Variants in XDH observed in about 807,000 individuals in gnomAD.
XDH encodes xanthine dehydrogenase, also known as xanthine dehydrogenase/oxidase.
In XDH, 138 loss-of-function variants were observed where a neutral mutation model predicts 156.1. The observed-to-expected ratio is 0.88, with a 90% confidence interval of 0.77 to 1.02. The LOEUF (loss-of-function observed/expected upper bound fraction) is 1.02, where lower values mean the gene tolerates loss of function less well. Among genes scored for constraint, XDH ranks in the 50% least tolerant of loss-of-function variants. The pLI is 0.00. For synonymous variants in XDH, 669 were observed against 625.7 expected (o/e 1.07, Z -1.03); for missense variants, 1,849 against 1,684.9 (o/e 1.10, Z -1.71).
At chr2:31,413,827 T>C (rs893643226) in intron 1 of XDH, among the ~76,000 whole-genome samples, 22 of 152,226 alleles carry the variant, frequency 1.4e-4, no homozygotes, top group African/African-American at 5.1e-4. Context: ...CTCAGCAGTG[T>C]TGTAGGAGGG....
rs752197404 is a variant in XDH at position 31,375,366 on chromosome 2, C to T, written c.1602+14G>A. ...ATGCTACAGAGAGCCTGTGCCTGGCCAGGCCCCACTCACGTCTTCCAGGTT... is the reference window on the plus strand; with the variant it reads ...ATGCTACAGAGAGCCTGTGCCTGGCTAGGCCCCACTCACGTCTTCCAGGTT... On this transcript the variant is annotated intron_variant, in intron 15 of 35. Transcript: ENST00000379416. The T allele has an allele frequency of 6.2e-7, 1 of 1,614,148 alleles. No homozygotes were observed. Among genetic ancestry groups the T allele is most frequent in the Non-Finnish European group, 8.5e-7 (1 of 1,180,024 alleles).
intron 13 of XDH, among the ~76,000 whole-genome samples, chr2:31,378,134 G>A (rs923424647): frequency 1.2e-5 from 1 of 81,244 alleles, no homozygotes; most frequent in African/African-American, 4.4e-5. Context: ...AAGGAAGGAA[G>A]GAAGGAAGGA....
At chr2:31,378,071 AAAG>A (rs1686300849) in intron 13 of XDH, among the ~76,000 whole-genome samples, 1 of 25,132 alleles carries the variant, frequency 4.0e-5, no homozygotes, top group East Asian at 1.1e-3. Context: ...AGAAAGAAAG[AAAG>A]AAAGAAAGAA....
intron 5 of XDH, among the ~76,000 whole-genome samples, chr2:31,398,230 G>A (rs545338466): frequency 6.6e-6 from 1 of 152,268 alleles, no homozygotes; most frequent in Non-Finnish European, 1.5e-5. Flanking sequence ...AACTGAGAGG[G>A]AAGGAAATCA....
At chr2:31,373,745 G>T in intron 16 of XDH, 128 bp downstream of exon 16, 2 of 862,310 alleles carry the variant, frequency 2.3e-6, no homozygotes, top group Non-Finnish European at 1.9e-6. Flanking sequence ...GGGTATTTAC[G>T]CACAAGAGTA....
At chr2:31,376,436 G>C (rs542919607) in intron 14 of XDH, among the ~76,000 whole-genome samples, 2 of 149,056 alleles carry the variant, frequency 1.3e-5, no homozygotes, top group African/African-American at 4.9e-5. Flanking sequence ...AATAGTAATA[G>C]TAGTAGTAGT....
intron 2 of XDH, among the ~76,000 whole-genome samples, chr2:31,405,451 G>A (rs1447277813): frequency 6.6e-6 from 1 of 152,076 alleles, no homozygotes; most frequent in African/African-American, 2.4e-5. Context: ...AATGCTACCT[G>A]TATAGGATTC....
chr2:31,385,403 G>A (rs796961514), intron 9 of XDH, among the ~76,000 whole-genome samples: 4 of 152,246 alleles, frequency 2.6e-5, no homozygotes, highest in Admixed American at 6.5e-5. Flanking sequence ...CGAGGGAGGC[G>A]TCCATTCTGA....
chr2:31,344,016 A>G (rs1231685489), intron 31 of XDH, among the ~76,000 whole-genome samples: 3 of 152,128 alleles, frequency 2.0e-5, no homozygotes, highest in Non-Finnish European at 2.9e-5. Context: ...GGTCCTAGCT[A>G]AACTTCCCAG....
chr2:31,344,602 G>A, intron 31 of XDH, 82 bp downstream of exon 31: 1 of 1,516,136 alleles, frequency 6.6e-7, no homozygotes, highest in Non-Finnish European at 9.2e-7. Flanking sequence ...ACCACAGCCT[G>A]GCAGGATTCG....
chr2:31,376,263 A>G (rs1258395970), intron 14 of XDH, among the ~76,000 whole-genome samples: 1 of 150,818 alleles, frequency 6.6e-6, no homozygotes, highest in Non-Finnish European at 1.5e-5. Flanking sequence ...TAGTAGAAGT[A>G]GTAATAGTCA....
chr2:31,394,399 C>T (rs2148000426), intron 6 of XDH, among the ~76,000 whole-genome samples: 1 of 152,190 alleles, frequency 6.6e-6, no homozygotes, highest in East Asian at 1.9e-4. Context: ...TTTATATTTG[C>T]TCTTCTATAG....
At chr2:31,361,909 G>A (rs1685790199) in intron 24 of XDH, among the ~76,000 whole-genome samples, 1 of 152,100 alleles carries the variant, frequency 6.6e-6, no homozygotes, top group South Asian at 2.1e-4. Flanking sequence ...TGATCTTTCA[G>A]ATTAATCTTT....
At chr2:31,389,580 C>G (rs1045599649) in intron 6 of XDH, 3 of 152,162 alleles carry the variant, frequency 2.0e-5, no homozygotes, top group Admixed American at 6.5e-5. Flanking sequence ...AAGTGAAAGT[C>G]CTGCATCCCA....
At position 31,337,725 on chromosome 2, in the gene XDH, A is replaced by G; in HGVS notation, c.3867T>C (p.Asn1289=). The change falls in exon 35 of 36, where the codon AAT becomes AAC. Residue 1289 remains asparagine (N), a synonymous_variant. Coordinates refer to ENST00000379416, the MANE Select transcript of XDH (RefSeq NM_000379.4). ...CTAGCCGGAAGAGTTCCTTCACGTTATTACCTGTGTGCTGAGCTCGAGCTG... is the reference window on the plus strand; with the variant it reads ...CTAGCCGGAAGAGTTCCTTCACGTTGTTACCTGTGTGCTGAGCTCGAGCTG... ...IRAARAQHTG[N]NVKELFRLDS... The G allele has an allele frequency of 6.2e-7, 1 of 1,614,160 alleles. No individual in the cohort carries two copies. Among genetic ancestry groups the G allele is most frequent in the African/African-American group, 1.3e-5 (1 of 75,026 alleles).
chr2:31,379,201 A>G (rs2148778446), intron 13 of XDH, among the ~76,000 whole-genome samples: 1 of 152,228 alleles, frequency 6.6e-6, no homozygotes, highest in Admixed American at 6.5e-5. Context: ...GGGCCCAGGG[A>G]ACAAAGAGGA....
In XDH at chr2:31,334,873, CT is replaced by C. The variant is rs869184676; in HGVS notation, c.*1084del. 2.1e-3 allele frequency: 315 copies of C among 151,414 alleles called. No individual in the cohort carries two copies. The highest frequency in any genetic ancestry group is 3.7e-3 in the Non-Finnish European group (250 of 67,796). 9.4% of individuals were successfully genotyped at this position (151,414 alleles called of 1,614,324 possible). On this transcript the variant is annotated 3_prime_UTR_variant, in exon 36 of 36. Transcript: ENST00000379416. ...GATTTTGATAGCAGCATTTTTATTT[CT>C]TTTTTTTTCTTCAGAGACAAGATCT...
chr2:31,357,549 G>A (rs928329036), intron 24 of XDH, among the ~76,000 whole-genome samples: 2 of 152,144 alleles, frequency 1.3e-5, no homozygotes, highest in East Asian at 1.9e-4. Context: ...CAGAGGCTGG[G>A]GAGGGTAGGG....
intron 24 of XDH, among the ~76,000 whole-genome samples, chr2:31,355,773 A>T (rs77956932): frequency 1.3e-5 from 2 of 152,320 alleles, no homozygotes; most frequent in East Asian, 3.9e-4. Flanking sequence ...TTATGCCTCA[A>T]CACATCAATC....
Sources: allele counts gnomAD v4.1 joint callset (sites outside exome capture counted in the v4.1 genomes callset), GRCh38; gene constraint gnomAD v4.1.1; transcripts MANE v1.5; gene names NCBI Gene and HGNC (gene_info 2026-07-23, HGNC 2026-07-21).